TRIM55: variants seen among roughly 807,000 people sequenced by gnomAD.
TRIM55 encodes the protein tripartite motif-containing protein 55.
A neutral mutation model predicts 60.9 loss-of-function variants in TRIM55; 50 were observed. The ratio of observed to expected loss-of-function variants is 0.82; its 90% CI spans 0.65 to 1.04. TRIM55 has a LOEUF of 1.04. TRIM55 is among the 50% of genes least tolerant of loss of function. The pLI is 0.00. For missense variants in TRIM55, 681 were observed against 666.9 expected, an observed-to-expected ratio of 1.02 and a Z score of -0.23; for synonymous variants, 237 against 238.1, an observed-to-expected ratio of 1.00 and a Z score of 0.04.
chr8:66,164,938 GAA>G (rs1250434467), intron 9 of TRIM55, among the ~76,000 whole-genome samples: 1 of 26,874 alleles, frequency 3.7e-5, no homozygotes, highest in Non-Finnish European at 5.9e-5. Flanking sequence ...AGGAAAGAAG[GAA>G]GGAAGGAAGG....
chr8:66,147,794 CAAAA>C (rs1180935272), intron 4 of TRIM55, among the ~76,000 whole-genome samples: 6 of 44,180 alleles, frequency 1.4e-4, no homozygotes, highest in African/African-American at 4.5e-4. Flanking sequence ...GACTCCATCT[CAAAA>C]AAAAAAAAAA....
At chr8:66,165,840 T>C (rs1266728505) in intron 9 of TRIM55, among the ~76,000 whole-genome samples, 1 of 152,078 alleles carries the variant, frequency 6.6e-6, no homozygotes, top group Non-Finnish European at 1.5e-5. Context: ...GGAAAAAAAA[T>C]TGTAGGAGAG....
At chr8:66,113,585 C>G in the TRIM55 span, 1 of 456,292 alleles carries the variant, frequency 2.2e-6, no homozygotes, top group East Asian at 7.0e-5. Flanking sequence ...TTTGGGCCTC[C>G]CAGCCTGCAC....
upstream of TRIM55, chr8:66,127,106 A>T: frequency 1.5e-6 from 1 of 681,424 alleles, no homozygotes; most frequent in Non-Finnish European, 2.4e-6. Context: ...TGCTAAAAAC[A>T]GCTCCAGCAC....
At chr8:66,125,871 T>G (rs1434689735), upstream of TRIM55, among the ~76,000 whole-genome samples, 1 of 152,182 alleles carries the variant, frequency 6.6e-6, no homozygotes, top group Admixed American at 6.5e-5. Flanking sequence ...TAACAAAATG[T>G]GTTTATTGCC....
At chr8:66,124,818 T>C (rs1808759535), upstream of TRIM55, among the ~76,000 whole-genome samples, 2 of 152,240 alleles carry the variant, frequency 1.3e-5, no homozygotes, top group Admixed American at 1.3e-4. Context: ...AACAGTTTTG[T>C]TGAATTTTAC....
chr8:66,170,682 C>G (rs1811576928), intron 9 of TRIM55, among the ~76,000 whole-genome samples: 1 of 152,180 alleles, frequency 6.6e-6, no homozygotes, highest in Admixed American at 6.5e-5. Flanking sequence ...TTGGAACCCT[C>G]ATGCACTGCT....
At chr8:66,116,585 C>T in the TRIM55 span, among the ~76,000 whole-genome samples, 4 of 75,564 alleles carry the variant, frequency 5.3e-5, no homozygotes, top group Admixed American at 3.0e-4. Flanking sequence ...CTAGCTTGGG[C>T]GACAGAGGGA....
chr8:66,169,209 G>A (rs1287188959), intron 9 of TRIM55, among the ~76,000 whole-genome samples: 1 of 152,182 alleles, frequency 6.6e-6, no homozygotes, highest in East Asian at 1.9e-4. Context: ...CATTTGTTTA[G>A]TTTCATTAGG....
rs752456346 is a variant in TRIM55 at position 66,128,326 on chromosome 8, C to T, written c.191C>T (p.Thr64Ile). The change falls in exon 2 of 10, where the codon ACA (threonine) becomes ATA (isoleucine). Residue 64 changes from threonine to isoleucine, a missense_variant. By Grantham distance (89) the Thr-to-Ile change is moderately conservative. Coordinates refer to ENST00000315962, the MANE Select transcript of TRIM55 (RefSeq NM_184085.2). ...CAGGCCTCTAACCCGTATTTGCCCA[C>T]AAGAGGAGGTACCACCATGGCATCA... ...IFQASNPYLP[T>I]RGGTTMASGG... 2 of 1,610,850 alleles carry T rather than the reference C, an allele frequency of 1.2e-6. No homozygotes were observed. The highest frequency in any genetic ancestry group is 2.2e-5 in the East Asian group (1 of 44,762).
At chr8:66,126,183 C>A (rs2128971439), upstream of TRIM55, among the ~76,000 whole-genome samples, 2 of 152,268 alleles carry the variant, frequency 1.3e-5, 1 homozygote, top group East Asian at 3.9e-4. Context: ...AGTAGGACTC[C>A]ATTTATACTT....
At chr8:66,136,597 G>A (rs1809494933) in intron 3 of TRIM55, among the ~76,000 whole-genome samples, 1 of 152,118 alleles carries the variant, frequency 6.6e-6, no homozygotes, top group African/African-American at 2.4e-5. Flanking sequence ...TTTAAAAGTT[G>A]ACATTTCTCC....
At position 66,174,925 on chromosome 8, in the gene TRIM55, GC is replaced by G; in HGVS notation, c.*333del. On this transcript the variant is annotated 3_prime_UTR_variant, in exon 10 of 10. Coordinates refer to ENST00000315962, the MANE Select transcript of TRIM55 (RefSeq NM_184085.2). Reference sequence around the variant, plus strand: ...AAATGGTGAAAAAAGTGGTCACTATGCTTTTGTCTCTCATAGGCACTGACTT... The same window carrying G: ...AAATGGTGAAAAAAGTGGTCACTATGTTTTGTCTCTCATAGGCACTGACTT... The G allele has an allele frequency of 5.9e-6, 1 of 168,072 alleles. No individual in the cohort carries two copies. The highest frequency in any genetic ancestry group is 1.3e-5 in the Non-Finnish European group (1 of 78,188). The allele number at this position is 168,072 out of a possible 1,614,324, so 10.4% of individuals were successfully genotyped here.
chr8:66,166,062 A>G (rs566024550), intron 9 of TRIM55, among the ~76,000 whole-genome samples: 1 of 152,222 alleles, frequency 6.6e-6, no homozygotes, highest in African/African-American at 2.4e-5. Flanking sequence ...AAGGCCCCCA[A>G]TATCTGTCAC....
chr8:66,132,543 C>T (rs547004611), intron 2 of TRIM55, among the ~76,000 whole-genome samples: 4 of 152,164 alleles, frequency 2.6e-5, no homozygotes, highest in Non-Finnish European at 4.4e-5. Flanking sequence ...AGGGTGGCCC[C>T]GGGAACCTCA....
At chr8:66,135,743 C>A (rs1445223495) in intron 3 of TRIM55, among the ~76,000 whole-genome samples, 1 of 152,086 alleles carries the variant, frequency 6.6e-6, no homozygotes, top group South Asian at 2.1e-4. Flanking sequence ...TGTGGTGTCT[C>A]CCCCTGACCC....
intron 9 of TRIM55, among the ~76,000 whole-genome samples, chr8:66,161,479 T>C (rs1468722990): frequency 6.6e-6 from 1 of 152,172 alleles, no homozygotes; most frequent in African/African-American, 2.4e-5. Flanking sequence ...TGATTTGTTC[T>C]TTTTGCTTAG....
At chr8:66,165,691 A>G (rs1206684206) in intron 9 of TRIM55, among the ~76,000 whole-genome samples, 1 of 152,164 alleles carries the variant, frequency 6.6e-6, no homozygotes, top group African/African-American at 2.4e-5. Flanking sequence ...ACCGTGCTGG[A>G]ATTTCAACTT....
At chr8:66,173,888 G>A (rs1811776944) in intron 9 of TRIM55, among the ~76,000 whole-genome samples, 2 of 151,654 alleles carry the variant, frequency 1.3e-5, no homozygotes, top group South Asian at 4.2e-4. Flanking sequence ...TATAGATATG[G>A]TTATTAGATT....
Sources: allele counts gnomAD v4.1 joint callset (sites outside exome capture counted in the v4.1 genomes callset), GRCh38; gene constraint gnomAD v4.1.1; transcripts MANE v1.5; gene names NCBI Gene and HGNC (gene_info 2026-07-23, HGNC 2026-07-21).